The following SUGCT variants were observed in gnomAD, a reference collection of about 807,000 sequenced individuals.
SUGCT encodes the protein succinyl-CoA:glutarate-CoA transferase.
A neutral mutation model predicts 55.0 loss-of-function variants in SUGCT; 41 were observed. The observed-to-expected ratio is 0.74, with a 90% CI of 0.58 to 0.97. SUGCT has a LOEUF of 0.97. Ranked by LOEUF, SUGCT falls within the 50% of genes least tolerant of loss-of-function variation. The pLI is 0.00. For missense variants in SUGCT, 568 were observed against 547.8 expected (o/e 1.04, Z -0.37); for synonymous variants, 187 against 200.4 (o/e 0.93, Z 0.56).
At chr7:40,511,631 A>T (rs1792937857) in intron 12 of SUGCT, among the ~76,000 whole-genome samples, 1 of 152,204 alleles carries the variant, frequency 6.6e-6, no homozygotes, top group African/African-American at 2.4e-5. Flanking sequence ...TGCAAGTCTG[A>T]ATTTATTTTA....
the SUGCT span, among the ~76,000 whole-genome samples, chr7:40,944,421 G>A: frequency 2.4e-4 from 37 of 151,358 alleles, no homozygotes; most frequent in South Asian, 3.8e-3. Context: ...TAGGTCTAAC[G>A]TTTAAGTCTT....
intron 3 of SUGCT, among the ~76,000 whole-genome samples, chr7:40,182,978 A>G (rs953388904): frequency 6.6e-6 from 1 of 152,208 alleles, no homozygotes; most frequent in African/African-American, 2.4e-5. Context: ...CAGTCCCTCA[A>G]AAAACAACCT....
intron 12 of SUGCT, among the ~76,000 whole-genome samples, chr7:40,529,309 A>C (rs1467457263): frequency 6.6e-6 from 1 of 152,204 alleles, no homozygotes; most frequent in African/African-American, 2.4e-5. Flanking sequence ...GGCTAAGGTT[A>C]CCTTGAAGGA....
chr7:40,738,301 T>A (rs1457955655), intron 12 of SUGCT, among the ~76,000 whole-genome samples: 1 of 150,472 alleles, frequency 6.6e-6, no homozygotes, highest in Non-Finnish European at 1.5e-5. Context: ...CACAGCAAGA[T>A]GGGAATTTTT....
chr7:40,721,429 A>G (rs778984840), intron 12 of SUGCT, among the ~76,000 whole-genome samples: 4 of 152,182 alleles, frequency 2.6e-5, no homozygotes, highest in Non-Finnish European at 5.9e-5. Flanking sequence ...GTGGCGGCAG[A>G]TAAGGAATGC....
chr7:40,332,405 ACT>A (rs1407838347), intron 9 of SUGCT, among the ~76,000 whole-genome samples: 1 of 151,576 alleles, frequency 6.6e-6, no homozygotes, highest in African/African-American at 2.4e-5. Flanking sequence ...TTAAAAATAA[ACT>A]CATCTTTCTT....
chr7:40,394,117 AT>A (rs1281046344), intron 9 of SUGCT, among the ~76,000 whole-genome samples: 1 of 151,970 alleles, frequency 6.6e-6, no homozygotes, highest in Non-Finnish European at 1.5e-5. Context: ...GGATGAGAAT[AT>A]TTTCTTTATA....
At chr7:40,439,813 G>A (rs900763013) in intron 9 of SUGCT, among the ~76,000 whole-genome samples, 4 of 152,180 alleles carry the variant, frequency 2.6e-5, no homozygotes, top group Non-Finnish European at 2.9e-5. Flanking sequence ...CAGCCAGACT[G>A]CTCAAACAGA....
intron 7 of SUGCT, among the ~76,000 whole-genome samples, chr7:40,246,599 CTTT>C (rs113716606): frequency 4.4e-5 from 6 of 137,304 alleles, no homozygotes; most frequent in African/African-American, 1.1e-4. Flanking sequence ...TGAAGGCTTG[CTTT>C]TTTTTTTTTT....
At chr7:40,453,309 C>G (rs1789293750) in intron 10 of SUGCT, among the ~76,000 whole-genome samples, 1 of 152,174 alleles carries the variant, frequency 6.6e-6, no homozygotes, top group Non-Finnish European at 1.5e-5. Flanking sequence ...TCTCCTGTTG[C>G]ATGGCCTCTG....
chr7:40,521,779 G>A (rs959669561), intron 12 of SUGCT, among the ~76,000 whole-genome samples: 8 of 152,004 alleles, frequency 5.3e-5, no homozygotes, highest in Admixed American at 3.9e-4. Flanking sequence ...TGATTGCTGG[G>A]ATTTTGTGTC....
At chr7:40,405,670 C>T (rs576913834) in intron 9 of SUGCT, among the ~76,000 whole-genome samples, 3 of 151,890 alleles carry the variant, frequency 2.0e-5, no homozygotes, top group Admixed American at 6.6e-5. Context: ...ATTAGCCAGG[C>T]GTGGTGGTAG....
chr7:40,434,489 T>C (rs1403603808), intron 9 of SUGCT, among the ~76,000 whole-genome samples: 3 of 152,162 alleles, frequency 2.0e-5, no homozygotes, highest in Non-Finnish European at 1.5e-5. Context: ...TCCAGATTCA[T>C]GGGGACTTGA....
chr7:40,934,841 T>C, the SUGCT span, among the ~76,000 whole-genome samples: 1 of 152,166 alleles, frequency 6.6e-6, no homozygotes, highest in Non-Finnish European at 1.5e-5. Context: ...CCAGGTACAG[T>C]CTGTCACAGC....
chr7:40,582,107 C>A (rs1016212470), intron 12 of SUGCT, among the ~76,000 whole-genome samples: 1 of 152,014 alleles, frequency 6.6e-6, no homozygotes, highest in Non-Finnish European at 1.5e-5. Context: ...AGACATCGCT[C>A]TCTATAACAA....
At chr7:40,646,666 A>C (rs1010421688) in intron 12 of SUGCT, among the ~76,000 whole-genome samples, 1 of 152,120 alleles carries the variant, frequency 6.6e-6, no homozygotes, top group African/African-American at 2.4e-5. Context: ...TTCATCCTTG[A>C]AGTTTTTAAT....
intron 12 of SUGCT, among the ~76,000 whole-genome samples, chr7:40,534,147 G>A (rs1047210609): frequency 3.3e-5 from 5 of 152,026 alleles, no homozygotes; most frequent in South Asian, 2.1e-4. Flanking sequence ...ATCTTACTAT[G>A]TTCTCTTAAG....
intron 6 of SUGCT, among the ~76,000 whole-genome samples, chr7:40,200,186 C>T (rs1786512234): frequency 6.6e-6 from 1 of 152,188 alleles, no homozygotes; most frequent in Non-Finnish European, 1.5e-5. Context: ...CCCCAAACAA[C>T]TATTTCTTGA....
chr7:40,360,937 G>T (rs1030226717), intron 9 of SUGCT, among the ~76,000 whole-genome samples: 1 of 152,132 alleles, frequency 6.6e-6, no homozygotes, highest in Non-Finnish European at 1.5e-5. Flanking sequence ...GCAAGGAAAT[G>T]GTGGCTATGG....
Sources: allele counts gnomAD v4.1 joint callset (sites outside exome capture counted in the v4.1 genomes callset), GRCh38; gene constraint gnomAD v4.1.1; transcripts MANE v1.5; gene names NCBI Gene and HGNC (gene_info 2026-07-23, HGNC 2026-07-21).